The following CAMK2B variants were observed in gnomAD, a reference collection of about 807,000 sequenced individuals.
The protein encoded by CAMK2B is calcium/calmodulin-dependent protein kinase type II subunit beta.
Under a neutral mutation model 93.7 loss-of-function variants are expected in CAMK2B, and 27 were observed. That is an observed-to-expected ratio of 0.29 (90% CI 0.21 to 0.40). The LOEUF (loss-of-function observed/expected upper bound fraction) is 0.40, where lower values mean the gene tolerates loss of function less well. CAMK2B is among the 10% of genes least tolerant of loss of function. The pLI is 1.00. For synonymous variants in CAMK2B, 374 were observed against 358.8 expected (o/e 1.04, Z -0.48); for missense variants, 568 against 895.8 (o/e 0.63, Z 4.67).
At chr7:44,276,003 G>A (rs1348000665) in intron 2 of CAMK2B, among the ~76,000 whole-genome samples, 5 of 152,292 alleles carry the variant, frequency 3.3e-5, no homozygotes, top group African/African-American at 4.8e-5. Context: ...CCAAGAGTTC[G>A]GTGGGGGTCC....
chr7:44,253,778 G>T (rs894163908), intron 5 of CAMK2B, among the ~76,000 whole-genome samples: 2 of 151,866 alleles, frequency 1.3e-5, no homozygotes, highest in Non-Finnish European at 2.9e-5. Context: ...TTAAGTTTTT[G>T]GTAGAGAGGG....
chr7:44,254,656 A>C (rs779794134), intron 4 of CAMK2B, 49 bp from the exon 5 acceptor site: 1 of 1,304,652 alleles, frequency 7.7e-7, no homozygotes, highest in Non-Finnish European at 1.1e-6. Context: ...CCCCTGTCAC[A>C]CTGCACTGTC....
In CAMK2B at chr7:44,228,877, T is replaced by C. The variant is rs1273027714; in HGVS notation, c.1387A>G (p.Thr463Ala). ...GAGAGGGGGCCCTCGGCTTCTGGGG[T>C]TCCTGAACCCCTTCTCACAGAGTTC... Reference protein sequence around the residue: ...ILNSVRRGSGTPEAEGPLSAG... With the variant: ...ILNSVRRGSGAPEAEGPLSAG... Residue 463 changes from threonine to alanine, a missense_variant, in exon 19 of 24, where the codon ACC becomes GCC. Transcript: ENST00000395749. The C allele has an allele frequency of 1.3e-5, 21 of 1,581,030 alleles. No homozygotes were observed. The highest frequency in any genetic ancestry group is 9.1e-5 in the East Asian group (4 of 43,792).
chr7:44,239,123 T>C (rs1340658180), intron 13 of CAMK2B, among the ~76,000 whole-genome samples: 2 of 152,158 alleles, frequency 1.3e-5, no homozygotes, highest in South Asian at 2.1e-4. Flanking sequence ...GACATGCATG[T>C]GTAGGACTCA....
At chr7:44,242,894 C>G (rs2096694965) in intron 8 of CAMK2B, among the ~76,000 whole-genome samples, 1 of 152,220 alleles carries the variant, frequency 6.6e-6, no homozygotes, top group East Asian at 1.9e-4. Context: ...CCCTCTGCTG[C>G]TCCCCACCTC....
intron 6 of CAMK2B, among the ~76,000 whole-genome samples, chr7:44,246,720 G>GTA (rs2096734347): frequency 6.6e-6 from 1 of 152,032 alleles, no homozygotes; most frequent in African/African-American, 2.4e-5. Context: ...ACACAAGCAT[G>GTA]TATACACACA....
chr7:44,241,820 C>T (rs767778809), intron 10 of CAMK2B, 37 bp from the exon 11 acceptor site: 39 of 1,557,770 alleles, frequency 2.5e-5, no homozygotes, highest in Admixed American at 2.0e-4. Flanking sequence ...CAGCCGAGCC[C>T]GAGGCACAGG....
rs771941070 is a variant in CAMK2B, at chr7:44,247,208, G to C, written c.342-16C>G. On this transcript the variant is annotated splice_polypyrimidine_tract_variant and intron_variant, in intron 5 of 23. Coordinates refer to ENST00000395749, the MANE Select transcript of CAMK2B (RefSeq NM_001220.5). Reference sequence around the variant, plus strand: ...GATACAGTGACTGTGGCAAACAGCAGGTGGGTTAGTGCGAGTGGCCCTGGG... The same window carrying C: ...GATACAGTGACTGTGGCAAACAGCACGTGGGTTAGTGCGAGTGGCCCTGGG... 1.9e-6 allele frequency: 3 copies of C among 1,613,276 alleles called. No individual in the cohort carries two copies. The South Asian group carries it at 3.3e-5, about 18-fold the overall frequency.
intron 19 of CAMK2B, 113 bp downstream of exon 19, chr7:44,228,683 G>A (rs1245303336): frequency 2.9e-6 from 3 of 1,046,812 alleles, no homozygotes; most frequent in Non-Finnish European, 3.8e-6. Flanking sequence ...CCAGGCTGCG[G>A]CGCCGGGGCA....
At chr7:44,260,910 G>A (rs948197994) in intron 3 of CAMK2B, among the ~76,000 whole-genome samples, 6 of 152,148 alleles carry the variant, frequency 3.9e-5, no homozygotes, top group Non-Finnish European at 8.8e-5. Flanking sequence ...CACCCTGGGC[G>A]GAGGGCAACT....
intron 1 of CAMK2B, among the ~76,000 whole-genome samples, chr7:44,309,819 G>A (rs1265862217): frequency 6.6e-6 from 1 of 150,508 alleles, no homozygotes; most frequent in Admixed American, 6.6e-5. Context: ...AGCACCGTAG[G>A]GGCCGCACTC....
In CAMK2B at chr7:44,286,248, G is replaced by A. The variant is rs1307567392; in HGVS notation, c.66-2023C>T. Among the ~76,000 whole-genome samples, 2 of 152,036 alleles carry A rather than the reference G, an allele frequency of 1.3e-5. No homozygotes were observed. The highest frequency in any genetic ancestry group is 2.4e-5 in the African/African-American group (1 of 41,396). On this transcript the variant is annotated intron_variant, in intron 1 of 23. Transcript: ENST00000395749. This position sits in a 1 kb window ranked among gnomAD's most constrained non-coding sequence, Gnocchi z 4.0. ...CCAGTCCTGAGCTACCATCTGTCAC[G>A]CTCTGACCCCTAGAGGGCTCAGCGG... is the stretch of plus-strand genomic sequence containing the variant.
chr7:44,276,077 G>A (rs1406378381), intron 2 of CAMK2B, among the ~76,000 whole-genome samples: 2 of 151,826 alleles, frequency 1.3e-5, no homozygotes, highest in African/African-American at 2.4e-5. Flanking sequence ...GGAAGCAGAG[G>A]AGGTCTCCCA....
intron 5 of CAMK2B, among the ~76,000 whole-genome samples, chr7:44,254,098 G>A (rs1274953424): frequency 1.3e-5 from 2 of 152,074 alleles, no homozygotes; most frequent in Non-Finnish European, 2.9e-5. Flanking sequence ...CAGGGACAGG[G>A]CCCTGTCACC....
intron 2 of CAMK2B, among the ~76,000 whole-genome samples, chr7:44,283,039 G>A (rs369406862): frequency 6.6e-6 from 1 of 152,186 alleles, no homozygotes; most frequent in Non-Finnish European, 1.5e-5. Context: ...CCCACCATAC[G>A]GGGCAGTGAC....
chr7:44,285,172 C>A (rs911128782), intron 1 of CAMK2B, among the ~76,000 whole-genome samples: 3 of 152,202 alleles, frequency 2.0e-5, no homozygotes, highest in African/African-American at 7.2e-5. Context: ...CCGGTGCCCA[C>A]CAGGAGGCCC....
In CAMK2B at chr7:44,233,911, G is replaced by A. The variant is rs555788073; in HGVS notation, c.1131+479C>T. ...CCGTGGCCCCGTCTCCCCATGGGCCGTGGAATGTGCCACTATGGGCTGTTC... is the reference window on the plus strand; with the variant it reads ...CCGTGGCCCCGTCTCCCCATGGGCCATGGAATGTGCCACTATGGGCTGTTC... On this transcript the variant is annotated intron_variant, in intron 15 of 23. Coordinates refer to ENST00000395749, the MANE Select transcript of CAMK2B (RefSeq NM_001220.5). 7.9e-5 allele frequency among the ~76,000 whole-genome samples: 12 copies of A among 152,340 alleles called. No homozygotes were observed. The South Asian group carries it at 1.0e-3, about 13-fold the overall frequency.
At chr7:44,240,172 C>T (rs978964589) in intron 12 of CAMK2B, among the ~76,000 whole-genome samples, 3 of 152,018 alleles carry the variant, frequency 2.0e-5, no homozygotes, top group South Asian at 2.1e-4. Context: ...GGTCTGCCAG[C>T]GCCCTGGGCC....
intron 15 of CAMK2B, among the ~76,000 whole-genome samples, chr7:44,233,238 C>T (rs574141155): frequency 2.0e-5 from 3 of 152,160 alleles, no homozygotes; most frequent in Admixed American, 6.5e-5. Flanking sequence ...TGTGCCCCAG[C>T]GTGGTGGGGG....
Sources: gnomAD v4.1 joint callset for allele counts (sites outside exome capture counted in the v4.1 genomes callset) on GRCh38, gnomAD v4.1.1 for gene constraint, Gnocchi (gnomAD v3.1) non-coding constraint, MANE v1.5 for transcripts, NCBI Gene and HGNC (gene_info 2026-07-23, HGNC 2026-07-21) for gene names.